MACROD2: variants seen among roughly 807,000 people sequenced by gnomAD.
MACROD2 encodes ADP-ribose glycohydrolase MACROD2.
Under a neutral mutation model 70.4 loss-of-function variants are expected in MACROD2, and 36 were observed. The observed-to-expected ratio is 0.51, with a 90% CI of 0.39 to 0.68. MACROD2 has a LOEUF of 0.68. Among genes scored for constraint, MACROD2 ranks in the 30% least tolerant of loss-of-function variants. MACROD2 has a pLI of 0.00. For missense variants in MACROD2, 496 were observed against 538.4 expected (o/e 0.92, Z 0.78); for synonymous variants, 172 against 178.8 (o/e 0.96, Z 0.30).
intron 13 of MACROD2, among the ~76,000 whole-genome samples, chr20:15,970,733 C>T (rs548957599): frequency 6.6e-6 from 1 of 152,230 alleles, no homozygotes; most frequent in Admixed American, 6.5e-5. Context: ...GAAGGAACTC[C>T]TCAGTCTTCA....
intron 8 of MACROD2, among the ~76,000 whole-genome samples, chr20:15,648,176 T>G (rs1477354872): frequency 1.3e-5 from 2 of 152,170 alleles, no homozygotes; most frequent in African/African-American, 4.8e-5. Flanking sequence ...TTAATGTTGA[T>G]GAAGATAGAA....
chr20:15,162,920 T>G (rs2076358515), intron 5 of MACROD2, among the ~76,000 whole-genome samples: 1 of 152,182 alleles, frequency 6.6e-6, no homozygotes. Flanking sequence ...TAAACATGAC[T>G]GTATAAAATA....
chr20:14,240,821 T>A (rs2081922852), intron 3 of MACROD2, among the ~76,000 whole-genome samples: 1 of 152,118 alleles, frequency 6.6e-6, no homozygotes, highest in South Asian at 2.1e-4. Context: ...AACCTGCACA[T>A]GTATCCAGAA....
In MACROD2 at chr20:14,789,460, ATTTTTTTTTTTTTTTTTT is replaced by A. The variant is rs3045609; in HGVS notation, c.418+104516_418+104533del. On this transcript the variant is annotated intron_variant, in intron 5 of 17. Transcript: ENST00000684519. ...CTTGTGGATTAATCAGGTAGTGCAA[ATTTTTTTTTTTTTTTTTT>A]TTTTTTTTTTTTTTGAGATGGAGTT... Among the ~76,000 whole-genome samples the A allele has an allele frequency of 8.3e-5, 4 of 48,362 alleles. No homozygotes were observed. In the East Asian group the frequency reaches 2.0e-3, roughly 25 times the overall value. The allele number at this position is 48,362 out of a possible 152,430, so 31.7% of individuals were successfully genotyped here.
At chr20:14,484,266 A>G (rs73094602) in intron 3 of MACROD2, among the ~76,000 whole-genome samples, 1 of 152,094 alleles carries the variant, frequency 6.6e-6, no homozygotes, top group Non-Finnish European at 1.5e-5. Context: ...TTTTACCCAT[A>G]ATACTTTGGA....
chr20:15,858,949 A>G (rs1372108534), intron 8 of MACROD2, among the ~76,000 whole-genome samples: 1 of 152,206 alleles, frequency 6.6e-6, no homozygotes, highest in Non-Finnish European at 1.5e-5. Context: ...TCAAAAATCC[A>G]TGTATAACTT....
chr20:14,788,179 T>G (rs2072398127), intron 5 of MACROD2, among the ~76,000 whole-genome samples: 1 of 152,074 alleles, frequency 6.6e-6, no homozygotes, highest in African/African-American at 2.4e-5. Context: ...AATATTATCC[T>G]TTTTTAAAAG....
At chr20:15,486,923 A>G (rs2146465252) in intron 7 of MACROD2, among the ~76,000 whole-genome samples, 1 of 152,326 alleles carries the variant, frequency 6.6e-6, no homozygotes, top group Middle Eastern at 3.4e-3. Context: ...TATTTACAAG[A>G]CTGCGGGTTG....
At chr20:15,905,787 C>T (rs2065138320) in intron 10 of MACROD2, among the ~76,000 whole-genome samples, 1 of 152,146 alleles carries the variant, frequency 6.6e-6, no homozygotes, top group South Asian at 2.1e-4. Context: ...AAACTGTCCA[C>T]CTACACTAGA....
intron 7 of MACROD2, among the ~76,000 whole-genome samples, chr20:15,468,354 T>C (rs1442906679): frequency 1.3e-5 from 2 of 152,176 alleles, no homozygotes; most frequent in African/African-American, 2.4e-5. Flanking sequence ...AAATTGGGTT[T>C]AGCCTTGATG....
intron 4 of MACROD2, among the ~76,000 whole-genome samples, chr20:14,600,343 T>TATATATATATATATACACAC (rs1320891260): frequency 7.7e-6 from 1 of 130,200 alleles, no homozygotes; most frequent in African/African-American, 3.1e-5. Flanking sequence ...TATATATATA[T>TATATATATATATATACACAC]ACACACACAC....
chr20:14,208,886 G>A (rs1421200792), intron 3 of MACROD2, among the ~76,000 whole-genome samples: 1 of 152,194 alleles, frequency 6.6e-6, no homozygotes, highest in Admixed American at 6.5e-5. Context: ...TCTCCTAAAA[G>A]TAGAAGAAAA....
At chr20:14,953,456 G>A (rs1206608418) in intron 5 of MACROD2, among the ~76,000 whole-genome samples, 1 of 152,014 alleles carries the variant, frequency 6.6e-6, no homozygotes, top group Non-Finnish European at 1.5e-5. Flanking sequence ...ACAGGCGCCT[G>A]CCACCACGCC....
chr20:14,876,571 G>T (rs1283664187), intron 5 of MACROD2, among the ~76,000 whole-genome samples: 4 of 152,126 alleles, frequency 2.6e-5, no homozygotes, highest in African/African-American at 9.6e-5. Flanking sequence ...TATTACCAAG[G>T]TTTTCTTCTA....
Position 14,197,310 on chromosome 20 carries a change from T to A in MACROD2, c.271+111582T>A, listed in dbSNP as rs976529913. On this transcript the variant is annotated intron_variant, in intron 3 of 17. Transcript: ENST00000684519. ...AAAAAAGTTGACTTGGGAGCAAAAC[T>A]ATGCTGTGGTTAATTGATAAAGCAG... Among the ~76,000 whole-genome samples the A allele has an allele frequency of 3.9e-5, 6 of 152,310 alleles. No individual in the cohort carries two copies. In the East Asian group the frequency reaches 1.2e-3, roughly 29 times the overall value.
At chr20:15,517,460 T>C (rs1332552269) in intron 8 of MACROD2, among the ~76,000 whole-genome samples, 4 of 152,192 alleles carry the variant, frequency 2.6e-5, no homozygotes, top group African/African-American at 9.7e-5. Flanking sequence ...GAAAAGCGTA[T>C]ATGTATTGGT....
At chr20:15,847,488 T>G (rs1242421883) in intron 8 of MACROD2, among the ~76,000 whole-genome samples, 1 of 152,212 alleles carries the variant, frequency 6.6e-6, no homozygotes, top group East Asian at 1.9e-4. Context: ...AAGGCTTTAT[T>G]TTGACTGGCC....
intron 4 of MACROD2, among the ~76,000 whole-genome samples, chr20:14,590,958 C>T (rs1250153917): frequency 6.6e-6 from 1 of 152,074 alleles, no homozygotes; most frequent in African/African-American, 2.4e-5. Flanking sequence ...TAGAGACATA[C>T]ATTATGGTGT....
chr20:16,003,076 ACCCACC>A (rs747191279), intron 15 of MACROD2, among the ~76,000 whole-genome samples: 3,578 of 31,576 alleles, frequency 0.11, 54 homozygotes, highest in Middle Eastern at 0.21. Context: ...AAACCCACCC[ACCCACC>A]CACACACACA....
Sources: allele counts gnomAD v4.1 joint callset (sites outside exome capture counted in the v4.1 genomes callset), GRCh38; gene constraint gnomAD v4.1.1; transcripts MANE v1.5; gene names NCBI Gene and HGNC (gene_info 2026-07-23, HGNC 2026-07-21).